The following KCNH7 variants were observed in gnomAD, a reference collection of about 807,000 sequenced individuals.
KCNH7 encodes the protein voltage-gated inwardly rectifying potassium channel KCNH7.
In KCNH7, 49 loss-of-function variants were observed where a neutral mutation model predicts 120.8. That is an observed-to-expected ratio of 0.41 (90% confidence interval 0.32 to 0.51). The LOEUF is 0.51. Among genes scored for constraint, KCNH7 ranks in the 20% least tolerant of loss-of-function variants. The pLI is 0.38. For synonymous variants in KCNH7, 547 were observed against 516.1 expected, an observed-to-expected ratio of 1.06 and a Z score of -0.81; for missense variants, 1,097 against 1,446.6, an observed-to-expected ratio of 0.76 and a Z score of 3.92.
intron 6 of KCNH7, among the ~76,000 whole-genome samples, chr2:162,490,585 C>G (rs1422106428): frequency 6.6e-6 from 1 of 152,144 alleles, no homozygotes; most frequent in East Asian, 1.9e-4. Flanking sequence ...TCTGAGACTT[C>G]TAGTCCTCAG....
chr2:162,387,363 T>G (rs781154797), intron 12 of KCNH7, among the ~76,000 whole-genome samples: 1 of 151,420 alleles, frequency 6.6e-6, no homozygotes, highest in Non-Finnish European at 1.5e-5. Flanking sequence ...TACATGAAAT[T>G]GGGCAGCTGA....
intron 2 of KCNH7, among the ~76,000 whole-genome samples, chr2:162,552,727 T>C (rs1364346795): frequency 2.0e-5 from 3 of 152,106 alleles, no homozygotes; most frequent in African/African-American, 7.2e-5. Context: ...AGAAAGCAAA[T>C]ATCCACGTTT....
intron 14 of KCNH7, 83 bp from the exon 15 acceptor site, chr2:162,373,745 A>G: frequency 5.6e-6 from 5 of 886,080 alleles, no homozygotes; most frequent in Non-Finnish European, 7.9e-6. Context: ...CAGCACTACC[A>G]AGAAACAGAA....
chr2:162,673,285 G>A (rs1222324144), intron 2 of KCNH7, among the ~76,000 whole-genome samples: 3 of 151,926 alleles, frequency 2.0e-5, no homozygotes, highest in African/African-American at 7.2e-5. Flanking sequence ...ATAAAATATA[G>A]CAAATGGTTT....
At chr2:162,648,233 T>C (rs1367376763) in intron 2 of KCNH7, among the ~76,000 whole-genome samples, 1 of 152,050 alleles carries the variant, frequency 6.6e-6, no homozygotes, top group Non-Finnish European at 1.5e-5. Context: ...CCTACAATCA[T>C]GGTGGAAGGC....
intron 3 of KCNH7, among the ~76,000 whole-genome samples, chr2:162,530,712 A>G (rs1460892410): frequency 6.6e-6 from 1 of 151,954 alleles, no homozygotes; most frequent in Non-Finnish European, 1.5e-5. Flanking sequence ...GTGCATCAGA[A>G]TTTTTTATTC....
At chr2:162,645,845 T>G (rs1196595064) in intron 2 of KCNH7, among the ~76,000 whole-genome samples, 2 of 152,140 alleles carry the variant, frequency 1.3e-5, no homozygotes, top group Non-Finnish European at 2.9e-5. Flanking sequence ...TATGTTTTCC[T>G]GGGAAAGTTT....
chr2:162,763,474 GCTT>G (rs1001067426), intron 2 of KCNH7, among the ~76,000 whole-genome samples: 11 of 152,072 alleles, frequency 7.2e-5, no homozygotes, highest in Admixed American at 7.2e-4. Context: ...TACACAGTGT[GCTT>G]CTTTCTAGTT....
intron 2 of KCNH7, among the ~76,000 whole-genome samples, chr2:162,800,898 A>C (rs914329340): frequency 2.0e-5 from 3 of 151,810 alleles, no homozygotes; most frequent in East Asian, 1.9e-4. Flanking sequence ...ATTGGGTGTC[A>C]AGGGGTAGTA....
At chr2:162,670,992 T>C (rs1181569180) in intron 2 of KCNH7, among the ~76,000 whole-genome samples, 2 of 152,016 alleles carry the variant, frequency 1.3e-5, no homozygotes, top group Admixed American at 6.6e-5. Context: ...TCATTAATCA[T>C]CAGAGAAATG....
chr2:162,608,938 C>A (rs900387045), intron 2 of KCNH7, among the ~76,000 whole-genome samples: 73 of 152,284 alleles, frequency 4.8e-4, no homozygotes, highest in African/African-American at 1.6e-3. Context: ...AACTTCTGGA[C>A]CATTACAAGT....
At chr2:162,588,968 GCTAACCAGGAGCCCTGACACCCTGC>G (rs1454630511) in intron 2 of KCNH7, among the ~76,000 whole-genome samples, 1 of 152,022 alleles carries the variant, frequency 6.6e-6, no homozygotes, top group Non-Finnish European at 1.5e-5. Context: ...GCACAGCCTG[GCTAACCAGGAGCCCTGACACCCTGC>G]CTAATCCCAA....
At chr2:162,683,205 T>C (rs183539306) in intron 2 of KCNH7, among the ~76,000 whole-genome samples, 68 of 152,050 alleles carry the variant, frequency 4.5e-4, no homozygotes, top group Middle Eastern at 3.4e-3. Context: ...TTTAAGTAGA[T>C]AGAGATTTAT....
chr2:162,654,637 C>T (rs763266370), intron 2 of KCNH7, among the ~76,000 whole-genome samples: 4 of 152,092 alleles, frequency 2.6e-5, no homozygotes, highest in Admixed American at 1.3e-4. Flanking sequence ...CTAGCAATTT[C>T]ACTCCTATAT....
chr2:162,452,116 G>A (rs1249084794), intron 6 of KCNH7, among the ~76,000 whole-genome samples: 1 of 152,066 alleles, frequency 6.6e-6, no homozygotes, highest in Non-Finnish European at 1.5e-5. Flanking sequence ...TAAAGGAAAT[G>A]TTATAATATT....
chr2:162,422,515 T>C (rs1406108640), intron 9 of KCNH7, among the ~76,000 whole-genome samples: 2 of 152,184 alleles, frequency 1.3e-5, no homozygotes, highest in Non-Finnish European at 2.9e-5. Flanking sequence ...CGATATGTCA[T>C]AGAATTTGGA....
intron 2 of KCNH7, among the ~76,000 whole-genome samples, chr2:162,547,559 C>T (rs566268931): frequency 6.6e-6 from 1 of 152,234 alleles, no homozygotes; most frequent in East Asian, 1.9e-4. Context: ...ATGTAATCCT[C>T]AAAAGAACCC....
intron 7 of KCNH7, among the ~76,000 whole-genome samples, chr2:162,444,964 T>G (rs532530245): frequency 6.6e-6 from 1 of 152,120 alleles, no homozygotes; most frequent in East Asian, 1.9e-4. Context: ...TTATCATCCT[T>G]TTACAGATGA....
intron 2 of KCNH7, among the ~76,000 whole-genome samples, chr2:162,698,463 GT>G (rs1174682395): frequency 2.0e-5 from 3 of 148,070 alleles, no homozygotes; most frequent in Non-Finnish European, 3.0e-5. Context: ...CATTGCATGA[GT>G]TTTTTTCAGG....
Sources: gnomAD v4.1 joint callset for allele counts (sites outside exome capture counted in the v4.1 genomes callset) on GRCh38, gnomAD v4.1.1 for gene constraint, MANE v1.5 for transcripts, NCBI Gene and HGNC (gene_info 2026-07-23, HGNC 2026-07-21) for gene names.